Variants in UGT2B7 observed in about 807,000 individuals in gnomAD.
UGT2B7 encodes the protein UDP glucuronosyltransferase family 2 member B7.
A neutral mutation model predicts 51.9 loss-of-function variants in UGT2B7; 51 were observed. That is an observed-to-expected ratio of 0.98 (90% CI 0.78 to 1.24). The LOEUF (loss-of-function observed/expected upper bound fraction) is 1.24, where lower values mean the gene tolerates loss of function less well. UGT2B7 is among the 50% of genes most tolerant of loss of function. The pLI is 0.00. For synonymous variants in UGT2B7, 225 were observed against 211.6 expected (o/e 1.06, Z -0.55); for missense variants, 727 against 628.4 (o/e 1.16, Z -1.68).
At chr4:69,096,426 C>T (rs1719222961), upstream of UGT2B7, 9 of 1,577,816 alleles carry the variant, frequency 5.7e-6, no homozygotes, top group South Asian at 1.2e-5. Context: ...ATAAGGGTTA[C>T]ATTTTAACTT....
At chr4:69,063,010 C>T (rs1430328835) in intron 1 of UGT2B7, among the ~76,000 whole-genome samples, 9 of 152,088 alleles carry the variant, frequency 5.9e-5, no homozygotes, top group African/African-American at 1.9e-4. Context: ...ATTAGGATGC[C>T]GTCACTGCAT....
intron 3 of UGT2B7, among the ~76,000 whole-genome samples, chr4:69,104,439 T>C (rs1422744550): frequency 6.6e-6 from 1 of 152,136 alleles, no homozygotes; most frequent in Non-Finnish European, 1.5e-5. Flanking sequence ...GGTTAGTTTT[T>C]TACATTTTTA....
At position 69,096,816 on chromosome 4, in the gene UGT2B7, AC is replaced by A; in HGVS notation, c.298del (p.Leu100PhefsTer23). On this transcript the variant is annotated frameshift_variant, in exon 1 of 6. Transcript: ENST00000305231. LOFTEE classifies it high-confidence loss of function. ...ATGCAACAGATTAAGAGATGGTCAG[AC>A]CTTCCAAAAGATACATTTTGGTTAT... ...FIMQQIKRWS[D>X]LPKDTFWLYF... 1 of 1,613,952 alleles carries A rather than the reference AC, an allele frequency of 6.2e-7. No individual in the cohort carries two copies. The highest frequency in any genetic ancestry group is 8.5e-7 in the Non-Finnish European group (1 of 1,179,908).
intron 1 of UGT2B7, chr4:69,066,342 G>C (rs544220056): frequency 1.3e-5 from 2 of 152,178 alleles, no homozygotes; most frequent in Admixed American, 6.6e-5. Context: ...AGTGTGTGTT[G>C]TTGCCCTCTA....
rs1178892377 is a variant in UGT2B7 at position 69,055,098 on chromosome 4, T to TAAAAAAAAAAAAAA, written c.-159+3511_-159+3524dup. Among the ~76,000 whole-genome samples the TAAAAAAAAAAAAAA allele has an allele frequency of 2.2e-4, 5 of 22,562 alleles. 1 individual carries two copies. The highest frequency in any genetic ancestry group is 1.0e-3 in the African/African-American group (5 of 4,976). The allele number at this position is 22,562 out of a possible 152,430, so 14.8% of individuals were successfully genotyped here. A position where few individuals can be genotyped will look rare whatever the true frequency, so the allele number is the denominator to read the frequency against. Reference sequence around the variant, plus strand: ...TAAGTGACAGAAGTAAAGTAATAGCTAAAAAAAAAAAAAAAAAAAAAAAAA... The same window carrying TAAAAAAAAAAAAAA: ...TAAGTGACAGAAGTAAAGTAATAGCTAAAAAAAAAAAAAAAAAAAAAAAAAAAAAAAAAAAAAAA... On this transcript the variant is annotated intron_variant, in intron 1 of 5. Transcript: ENST00000502942.
rs1719670557 is a variant in UGT2B7, at chr4:69,108,241, G to C, written c.1229G>C (p.Gly410Ala). 1 of 1,613,716 alleles carries C rather than the reference G, an allele frequency of 6.2e-7. No individual in the cohort carries two copies. The highest frequency in any genetic ancestry group is 8.5e-7 in the Non-Finnish European group (1 of 1,179,706). ...AACATTGCTCACATGAAGGCCAGGG[G>C]AGCAGCTGTTAGAGTGGACTTCAAC... ...PDNIAHMKAR[G>A]AAVRVDFNTM... The change falls in exon 5 of 6, where the codon GGA becomes GCA. Residue 410 changes from glycine (G) to alanine (A), a missense_variant. Coordinates refer to ENST00000305231, the MANE Select transcript of UGT2B7 (RefSeq NM_001074.4).
At chr4:69,064,090 A>AGAGAGAGAG (rs1560499746) in intron 1 of UGT2B7, among the ~76,000 whole-genome samples, 6 of 97,650 alleles carry the variant, frequency 6.1e-5, no homozygotes, top group South Asian at 3.2e-4. Context: ...GAAAGAAAGA[A>AGAGAGAGAG]AGAAAGAGAA....
chr4:69,092,628 T>C (rs1475009851), upstream of UGT2B7, among the ~76,000 whole-genome samples: 1 of 152,042 alleles, frequency 6.6e-6, no homozygotes, highest in African/African-American at 2.4e-5. Context: ...ATGAAAAATA[T>C]AAGTTTTCTT....
intron 1 of UGT2B7, among the ~76,000 whole-genome samples, chr4:69,064,112 A>AAGAAAGAAAGAGAGAGAAAGAAAGAAAG (rs754723956): frequency 1.2e-5 from 1 of 86,802 alleles, no homozygotes; most frequent in Non-Finnish European, 2.2e-5. Context: ...GAAAGAAAGA[A>AAGAAAGAAAGAGAGAGAAAGAAAGAAAG]AAAGAAAGAA....
At chr4:69,111,028 G>T (rs149104235) in intron 5 of UGT2B7, among the ~76,000 whole-genome samples, 1 of 152,084 alleles carries the variant, frequency 6.6e-6, no homozygotes, top group Non-Finnish European at 1.5e-5. Flanking sequence ...TCTCTTAGAG[G>T]TAACATTAGA....
chr4:69,100,600 T>G (rs190653817), intron 2 of UGT2B7, among the ~76,000 whole-genome samples: 1 of 151,966 alleles, frequency 6.6e-6, no homozygotes, highest in Admixed American at 6.6e-5. Flanking sequence ...TACCCTACTC[T>G]TGAAAAATTT....
At chr4:69,099,684 G>A (rs963352497) in intron 2 of UGT2B7, among the ~76,000 whole-genome samples, 7 of 152,002 alleles carry the variant, frequency 4.6e-5, no homozygotes, top group African/African-American at 1.4e-4. Context: ...AACACTTAAA[G>A]TGTCTCTGGA....
chr4:69,052,252 G>A (rs995539391), intron 1 of UGT2B7, among the ~76,000 whole-genome samples: 1 of 151,900 alleles, frequency 6.6e-6, no homozygotes, highest in Non-Finnish European at 1.5e-5. Flanking sequence ...GACAGTTACA[G>A]CTGTCTTTAG....
chr4:69,061,542 G>T (rs1268852815), intron 1 of UGT2B7, among the ~76,000 whole-genome samples: 1 of 152,164 alleles, frequency 6.6e-6, no homozygotes, highest in African/African-American at 2.4e-5. Flanking sequence ...GGCTTGATTT[G>T]CCCAGGAAAA....
chr4:69,096,507 T>C lies in UGT2B7; in HGVS notation c.-14T>C, dbSNP rs1247453400. On this transcript the variant is annotated 5_prime_UTR_variant, in exon 1 of 6. Coordinates refer to ENST00000305231, the MANE Select transcript of UGT2B7 (RefSeq NM_001074.4). ...GGAACAGCAACTGGAAAACAAGCAT[T>C]GCATTGCACCAGGATGTCTGTGAAA... 1 of 1,612,696 alleles carries C rather than the reference T, an allele frequency of 6.2e-7. No individual in the cohort carries two copies. The highest frequency in any genetic ancestry group is 1.7e-5 in the Admixed American group (1 of 59,686).
chr4:69,098,502 CTTG>C (rs1719315622), intron 1 of UGT2B7, 35 bp from the exon 2 acceptor site: 1 of 1,566,094 alleles, frequency 6.4e-7, no homozygotes. Context: ...AAGTAATTAT[CTTG>C]TGTCATCCAC....
chr4:69,108,096 A>T lies in UGT2B7; in HGVS notation c.1091-7A>T, dbSNP rs572047837. On this transcript the variant is annotated splice_region_variant and splice_polypyrimidine_tract_variant and intron_variant, in intron 4 of 5. Transcript: ENST00000305231. ...GAGTAATTTTGCTAAAATTCATCCA[A>T]TCCTAGGTCATCCAAAGACCAGAGC... 2 of 1,613,350 alleles carry T rather than the reference A, an allele frequency of 1.2e-6. No individual in the cohort carries two copies. Among genetic ancestry groups the T allele is most frequent in the African/African-American group, 1.3e-5 (1 of 74,976 alleles).
intron 1 of UGT2B7, among the ~76,000 whole-genome samples, chr4:69,062,780 A>G (rs766828403): frequency 4.8e-4 from 73 of 152,210 alleles, no homozygotes; most frequent in Non-Finnish European, 8.8e-4. Flanking sequence ...AGAACTGACT[A>G]GTCTATGCAC....
At chr4:69,051,879 CTGATTTTGGTTT>C (rs1718025854) in intron 1 of UGT2B7, among the ~76,000 whole-genome samples, 1 of 152,094 alleles carries the variant, frequency 6.6e-6, no homozygotes, top group Non-Finnish European at 1.5e-5. Context: ...TCTGGGTATG[CTGATTTTGGTTT>C]TGATTTTGGT....
Sources: allele counts gnomAD v4.1 joint callset (sites outside exome capture counted in the v4.1 genomes callset), GRCh38; gene constraint gnomAD v4.1.1; transcripts MANE v1.5; gene names NCBI Gene and HGNC (gene_info 2026-07-23, HGNC 2026-07-21).